The following AS3MT variants were observed in gnomAD, a reference collection of about 807,000 sequenced individuals.
AS3MT encodes the protein arsenite methyltransferase.
Under a neutral mutation model 45.3 loss-of-function variants are expected in AS3MT, and 47 were observed. That is an observed-to-expected ratio of 1.04 (90% CI 0.82 to 1.32). AS3MT has a LOEUF of 1.32. Ranked by LOEUF, AS3MT falls within the 40% of genes most tolerant of loss-of-function variation. The pLI is 0.00. For synonymous variants in AS3MT, 141 were observed against 152.8 expected (o/e 0.92, Z 0.57); for missense variants, 396 against 451.1 (o/e 0.88, Z 1.11).
At chr10:102,876,519 C>G in intron 6 of AS3MT, among the ~76,000 whole-genome samples, 1 of 151,928 alleles carries the variant, frequency 6.6e-6, no homozygotes, top group East Asian at 1.9e-4. Flanking sequence ...CTCCAGCAAG[C>G]CTCCCACTTC....
intron 3 of AS3MT, 85 bp from the exon 4 acceptor site, chr10:102,872,363 G>A: frequency 7.2e-7 from 1 of 1,381,344 alleles, no homozygotes; most frequent in Non-Finnish European, 1.0e-6. Flanking sequence ...CGGAGGGAGG[G>A]AGGGAGGAGG....
chr10:102,877,150 G>C, intron 7 of AS3MT, 115 bp downstream of exon 7: 2 of 943,624 alleles, frequency 2.1e-6, no homozygotes, highest in Non-Finnish European at 3.3e-6. Context: ...AGGCCATGAG[G>C]CCAAGGTTCC....
At chr10:102,883,089 TATATATA>T (rs1564792904) in intron 9 of AS3MT, among the ~76,000 whole-genome samples, 50 of 148,492 alleles carry the variant, frequency 3.4e-4, no homozygotes, top group Non-Finnish European at 1.5e-4. Context: ...AAATGTTTTA[TATATATA>T]TATATATGGT....
intron 10 of AS3MT, among the ~76,000 whole-genome samples, chr10:102,892,705 G>C (rs1845090812): frequency 6.6e-6 from 1 of 152,154 alleles, no homozygotes; most frequent in Non-Finnish European, 1.5e-5. Flanking sequence ...GCCAGGCACA[G>C]TGGCTCAAGC....
At chr10:102,875,710 C>T (rs1228889015) in intron 6 of AS3MT, among the ~76,000 whole-genome samples, 1 of 151,834 alleles carries the variant, frequency 6.6e-6, no homozygotes, top group Non-Finnish European at 1.5e-5. Flanking sequence ...GCAACCTCCG[C>T]CTCCTGGGTT....
chr10:102,875,537 G>A (rs116037347), intron 6 of AS3MT, among the ~76,000 whole-genome samples: 115 of 149,756 alleles, frequency 7.7e-4, no homozygotes, highest in African/African-American at 2.7e-3. Context: ...TGTACTCCCA[G>A]CTACTTGGAT....
chr10:102,873,292 T>C, intron 5 of AS3MT, 59 bp downstream of exon 5: 2 of 1,302,330 alleles, frequency 1.5e-6, no homozygotes, highest in Non-Finnish European at 1.0e-6. Context: ...TTATTATTAT[T>C]ATTATTGAGA....
rs2134110034 is a variant in AS3MT, at chr10:102,872,564, G to A, written c.287G>A (p.Gly96Glu). The A allele has an allele frequency of 6.2e-7, 1 of 1,613,924 alleles. No individual in the cohort carries two copies. The highest frequency in any genetic ancestry group is 1.1e-5 in the South Asian group (1 of 91,050). Residue 96 changes from glycine (G) to glutamate (E), a missense_variant, in exon 4 of 11, where the codon GGA becomes GAA. Gly to Glu is a moderately conservative substitution (Grantham distance 98). Coordinates refer to ENST00000369880, the MANE Select transcript of AS3MT (RefSeq NM_020682.4). ...CTTAGCCAGCTGGTTGGTGAAAAAG[G>A]ACACGTGACTGGAATAGACATGACC... ...YVLSQLVGEKGHVTGIDMTKG... is the reference protein window; with the variant it reads ...YVLSQLVGEKEHVTGIDMTKG...
rs1844872888 is a variant in AS3MT, at chr10:102,881,975, T to C, written c.885+2984T>C. Among the ~76,000 whole-genome samples, 1 of 151,696 alleles carries C rather than the reference T, an allele frequency of 6.6e-6. No homozygotes were observed. Among genetic ancestry groups the C allele is most frequent in the South Asian group, 2.1e-4 (1 of 4,804 alleles). ...TCTTTTTTGAGACCAAGTCTCGCTC[T>C]GTCACTCAGGCTGGAGTGCAGTGGC... On this transcript the variant is annotated intron_variant, in intron 9 of 10. Coordinates refer to ENST00000369880, the MANE Select transcript of AS3MT (RefSeq NM_020682.4). This position sits in a 1 kb window ranked among gnomAD's most constrained non-coding sequence, Gnocchi z 4.2.
intron 8 of AS3MT, 57 bp from the exon 9 acceptor site, chr10:102,878,792 G>A: frequency 6.3e-7 from 1 of 1,580,144 alleles, no homozygotes; most frequent in Non-Finnish European, 8.6e-7. Flanking sequence ...TGTCTGCTGA[G>A]CAAGGCAACA....
At chr10:102,882,219 G>A (rs969396119) in intron 9 of AS3MT, among the ~76,000 whole-genome samples, 1 of 151,670 alleles carries the variant, frequency 6.6e-6, no homozygotes, top group Admixed American at 6.6e-5. Flanking sequence ...GATTACAGGC[G>A]TGAGCCACCA....
At chr10:102,894,148 G>A (rs1234397409) in intron 10 of AS3MT, among the ~76,000 whole-genome samples, 3 of 152,028 alleles carry the variant, frequency 2.0e-5, no homozygotes, top group African/African-American at 7.2e-5. Flanking sequence ...ATTCTAGGCC[G>A]GGCGCGGTGG....
At chr10:102,876,318 T>C (rs1844783828) in intron 6 of AS3MT, among the ~76,000 whole-genome samples, 1 of 80,496 alleles carries the variant, frequency 1.2e-5, no homozygotes, top group Admixed American at 1.4e-4. Flanking sequence ...TCACTATCTG[T>C]ACCCCTCTAA....
rs566118458 is a variant in AS3MT, at chr10:102,872,828, C to T, written c.321+230C>T. Among the ~76,000 whole-genome samples, 72 of 152,234 alleles carry T rather than the reference C, an allele frequency of 4.7e-4. No individual in the cohort carries two copies. The South Asian group carries it at 1.0e-2, about 21-fold the overall frequency. On this transcript the variant is annotated intron_variant, in intron 4 of 10. Transcript: ENST00000369880. Reference sequence around the variant, plus strand: ...GTTTGCTCTGATATGAATATCGTGACGATAGAGTGGACTTTGATCTTTCCC... The same window carrying T: ...GTTTGCTCTGATATGAATATCGTGATGATAGAGTGGACTTTGATCTTTCCC...
Position 102,869,786 on chromosome 10 carries a change from A to G in AS3MT, c.2-19A>G, listed in dbSNP as rs1844645776. On this transcript the variant is annotated intron_variant, in intron 1 of 10. Coordinates refer to ENST00000369880, the MANE Select transcript of AS3MT (RefSeq NM_020682.4). ...CCTCAGCACCCTCTCCTTTCAACTA[A>G]CTTTCCCGCTCCCGACAGTGGCTGC... The G allele has an allele frequency of 6.2e-7, 1 of 1,613,824 alleles. No individual in the cohort carries two copies. Among genetic ancestry groups the G allele is most frequent in the Non-Finnish European group, 8.5e-7 (1 of 1,179,954 alleles).
At chr10:102,892,198 T>C (rs76255497) in intron 10 of AS3MT, among the ~76,000 whole-genome samples, 16,509 of 152,192 alleles carry the variant, frequency 0.11, 912 homozygotes, top group Middle Eastern at 0.18. Context: ...GAATACTCTT[T>C]TGACTGTCAT....
Position 102,901,092 on chromosome 10 carries a change from CAAA to C in AS3MT, c.*409_*411del, listed in dbSNP as rs370301616. 9 of 75,886 alleles carry C rather than the reference CAAA, an allele frequency of 1.2e-4. No homozygotes were observed. Among genetic ancestry groups the C allele is most frequent in the Non-Finnish European group, 1.5e-4 (6 of 41,182 alleles). 4.7% of individuals were successfully genotyped at this position (75,886 alleles called of 1,614,324 possible). A position where few individuals can be genotyped will look rare whatever the true frequency, so the allele number is the denominator to read the frequency against. On this transcript the variant is annotated 3_prime_UTR_variant, in exon 11 of 11. Transcript: ENST00000369880. Reference sequence around the variant, plus strand: ...ACAGAGCAAGACTCTGTCTCAAAAGCAAAAAAAAAAAAAAAAAAAGAAAGAAAG... The same window carrying C: ...ACAGAGCAAGACTCTGTCTCAAAAGCAAAAAAAAAAAAAAAAGAAAGAAAG...
chr10:102,878,317 T>G (rs1844819272), intron 7 of AS3MT, 62 bp from the exon 8 acceptor site: 1 of 1,564,402 alleles, frequency 6.4e-7, no homozygotes, highest in African/African-American at 1.4e-5. Context: ...GAAGAATAGT[T>G]CCCTTAATAC....
At chr10:102,870,053 C>T (rs1418333677) in intron 2 of AS3MT, 31 bp from the exon 3 acceptor site, 6 of 1,611,432 alleles carry the variant, frequency 3.7e-6, no homozygotes, top group Non-Finnish European at 5.1e-6. Context: ...TCCCTCTCTA[C>T]CCCTCACTCC....
Sources: allele counts gnomAD v4.1 joint callset (sites outside exome capture counted in the v4.1 genomes callset), GRCh38; gene constraint gnomAD v4.1.1; non-coding constraint Gnocchi (gnomAD v3.1); transcripts MANE v1.5; gene names NCBI Gene and HGNC (gene_info 2026-07-23, HGNC 2026-07-21).